Variants in CDH18 observed in about 807,000 individuals in gnomAD.
The protein encoded by CDH18 is cadherin-18.
CDH18 carries 31 observed loss-of-function variants against 67.9 expected under a neutral mutation model. That is an observed-to-expected ratio of 0.46 (90% confidence interval 0.34 to 0.62). The LOEUF (loss-of-function observed/expected upper bound fraction) is 0.62, where lower values mean the gene tolerates loss of function less well. CDH18 is among the 20% of genes least tolerant of loss of function. The pLI, the probability that CDH18 is intolerant of heterozygous loss-of-function variation, is 0.01. For synonymous variants in CDH18, 362 were observed against 347.2 expected (o/e 1.04, Z -0.48); for missense variants, 890 against 975.5 (o/e 0.91, Z 1.17).
intron 5 of CDH18, among the ~76,000 whole-genome samples, chr5:19,630,289 T>C (rs1752236545): frequency 6.6e-6 from 1 of 152,156 alleles, no homozygotes; most frequent in Non-Finnish European, 1.5e-5. Flanking sequence ...ATTTAAGATA[T>C]CCATCCTTAT....
At chr5:20,180,024 A>T (rs932147482) in intron 2 of CDH18, among the ~76,000 whole-genome samples, 1 of 152,186 alleles carries the variant, frequency 6.6e-6, no homozygotes, top group Non-Finnish European at 1.5e-5. Flanking sequence ...ATTATTGTAA[A>T]TACAAAATTG....
At chr5:19,704,755 T>C (rs974849311) in intron 5 of CDH18, among the ~76,000 whole-genome samples, 3 of 152,156 alleles carry the variant, frequency 2.0e-5, no homozygotes, top group South Asian at 2.1e-4. Flanking sequence ...AAAGGTCACA[T>C]AGCTCCAACA....
At position 20,345,798 on chromosome 5, in the gene CDH18, CA is replaced by C. The variant is rs1740650336; in HGVS notation, c.-579-90294del. Among the ~76,000 whole-genome samples the C allele has an allele frequency of 2.0e-5, 3 of 152,082 alleles. No homozygotes were observed. The South Asian group carries it at 6.2e-4, about 32-fold the overall frequency. ...GGCACCACCAATTCCAGAGTGGCCA[CA>C]ATGCTTCTGTAGTCCTTCCATTTCA... On this transcript the variant is annotated intron_variant, in intron 1 of 14. Coordinates refer to the CDH18 transcript ENST00000507958.
intron 1 of CDH18, among the ~76,000 whole-genome samples, chr5:20,453,112 G>T (rs989002511): frequency 1.3e-5 from 2 of 152,084 alleles, no homozygotes; most frequent in African/African-American, 4.8e-5. Context: ...TAGCACAGGG[G>T]CCCCTTGCTC....
At chr5:19,585,835 AT>A (rs1744056014) in intron 7 of CDH18, among the ~76,000 whole-genome samples, 2 of 152,008 alleles carry the variant, frequency 1.3e-5, no homozygotes, top group African/African-American at 4.8e-5. Flanking sequence ...TCTCCACCTC[AT>A]CACAATTAGT....
In CDH18 at chr5:19,874,252, C is replaced by G. The variant is rs536656829; in HGVS notation, c.-256-35010G>C. ...TGACCTGGGAAATGCATTATCAATT[C>G]AGAATGGCCTGTTCTGCACATCACT... On this transcript the variant is annotated intron_variant, in intron 2 of 12. Transcript: ENST00000382275. 1.0e-3 allele frequency among the ~76,000 whole-genome samples: 153 copies of G among 152,262 alleles called. 1 individual carries two copies. Among genetic ancestry groups the G allele is most frequent in the African/African-American group, 3.5e-3 (144 of 41,550 alleles).
At chr5:20,315,250 T>A (rs1282423152) in intron 1 of CDH18, among the ~76,000 whole-genome samples, 2 of 152,136 alleles carry the variant, frequency 1.3e-5, no homozygotes, top group Admixed American at 6.6e-5. Flanking sequence ...CTGCTGGCTT[T>A]ATTTCCAAAC....
chr5:19,631,209 T>TCATA (rs1752368267), intron 5 of CDH18, among the ~76,000 whole-genome samples: 1 of 152,010 alleles, frequency 6.6e-6, no homozygotes, highest in Non-Finnish European at 1.5e-5. Flanking sequence ...TACAAGTCGA[T>TCATA]CATAAGCCTG....
At chr5:20,047,648 A>T (rs1371432084) in intron 2 of CDH18, among the ~76,000 whole-genome samples, 1 of 151,786 alleles carries the variant, frequency 6.6e-6, no homozygotes, top group Non-Finnish European at 1.5e-5. Flanking sequence ...AATCTCTTCA[A>T]ACTGATTTTG....
At chr5:20,093,236 TAC>T (rs927813318) in intron 2 of CDH18, among the ~76,000 whole-genome samples, 4 of 150,726 alleles carry the variant, frequency 2.7e-5, no homozygotes, top group Middle Eastern at 3.4e-3. Flanking sequence ...CATAAACACA[TAC>T]ACACACACAC....
intron 12 of CDH18, among the ~76,000 whole-genome samples, chr5:19,474,991 G>T (rs1738197391): frequency 6.6e-6 from 1 of 151,992 alleles, no homozygotes; most frequent in Non-Finnish European, 1.5e-5. Context: ...ATTTACTTCA[G>T]CTCTATAGAC....
intron 7 of CDH18, among the ~76,000 whole-genome samples, chr5:19,590,519 C>CAGAT (rs375948507): frequency 9.2e-5 from 10 of 108,724 alleles, no homozygotes; most frequent in East Asian, 2.8e-4. Context: ...GACAGACAGA[C>CAGAT]AGATAGATAG....
intron 2 of CDH18, among the ~76,000 whole-genome samples, chr5:19,922,009 G>A (rs1010051327): frequency 1.3e-5 from 2 of 151,968 alleles, no homozygotes; most frequent in Non-Finnish European, 2.9e-5. Flanking sequence ...TTTTACTAAT[G>A]GAGAAAGTTA....
At chr5:20,338,702 T>A (rs543460385) in intron 1 of CDH18, among the ~76,000 whole-genome samples, 2 of 152,296 alleles carry the variant, frequency 1.3e-5, no homozygotes, top group African/African-American at 4.8e-5. Context: ...AATCATTCCC[T>A]TTTTCTGTGA....
intron 3 of CDH18, among the ~76,000 whole-genome samples, chr5:19,771,734 C>T (rs967849965): frequency 4.6e-5 from 7 of 152,074 alleles, no homozygotes; most frequent in African/African-American, 1.7e-4. Flanking sequence ...ATTAAGTAAG[C>T]TGAACTCAAA....
chr5:19,898,247 T>C (rs1435426971), intron 2 of CDH18, among the ~76,000 whole-genome samples: 1 of 152,066 alleles, frequency 6.6e-6, no homozygotes, highest in Non-Finnish European at 1.5e-5. Context: ...TAATATTTAT[T>C]CCTTTAAGAA....
At chr5:19,923,396 G>T (rs1310376793) in intron 2 of CDH18, among the ~76,000 whole-genome samples, 1 of 152,154 alleles carries the variant, frequency 6.6e-6, no homozygotes, top group African/African-American at 2.4e-5. Context: ...AAAAATAAAA[G>T]TTGTTGCTTG....
chr5:20,160,691 G>A (rs1751905367), intron 2 of CDH18, among the ~76,000 whole-genome samples: 1 of 152,076 alleles, frequency 6.6e-6, no homozygotes, highest in South Asian at 2.1e-4. Context: ...TAGAATAAAG[G>A]ACTAATGACC....
intron 1 of CDH18, among the ~76,000 whole-genome samples, chr5:20,460,398 C>CGTAA (rs112413390): frequency 3.5e-5 from 5 of 141,212 alleles, no homozygotes; most frequent in African/African-American, 1.3e-4. Flanking sequence ...TCTCTAAATA[C>CGTAA]ATAAATAAAT....
Sources: allele counts gnomAD v4.1 joint callset (sites outside exome capture counted in the v4.1 genomes callset), GRCh38; gene constraint gnomAD v4.1.1; transcripts MANE v1.5; gene names NCBI Gene and HGNC (gene_info 2026-07-23, HGNC 2026-07-21).